The following PARP4 variants were observed in gnomAD, a reference collection of about 807,000 sequenced individuals.
PARP4 encodes poly(ADP-ribose) polymerase family member 4.
A neutral mutation model predicts 187.7 loss-of-function variants in PARP4; 120 were observed. The observed-to-expected ratio is 0.64, with a 90% confidence interval of 0.55 to 0.74. The LOEUF (loss-of-function observed/expected upper bound fraction) is 0.74, where lower values mean the gene tolerates loss of function less well. Ranked by LOEUF, PARP4 falls within the 30% of genes least tolerant of loss-of-function variation. The pLI is 0.00. For missense variants in PARP4, 1,836 were observed against 2,070.5 expected (o/e 0.89, Z 2.20); for synonymous variants, 654 against 740.9 (o/e 0.88, Z 1.90).
At chr13:24,465,553 A>C (rs1204201691) in intron 17 of PARP4, among the ~76,000 whole-genome samples, 1 of 152,174 alleles carries the variant, frequency 6.6e-6, no homozygotes, top group Non-Finnish European at 1.5e-5. Context: ...TCTTACTTAC[A>C]CGTGGGAGCT....
intron 30 of PARP4, among the ~76,000 whole-genome samples, chr13:24,438,605 G>C (rs1476357538): frequency 1.3e-5 from 2 of 152,194 alleles, no homozygotes; most frequent in South Asian, 4.1e-4. Flanking sequence ...TTTCATGAGC[G>C]GGAGGGAACG....
At chr13:24,505,276 G>T (rs1279054102) in intron 1 of PARP4, among the ~76,000 whole-genome samples, 3 of 152,138 alleles carry the variant, frequency 2.0e-5, no homozygotes, top group Non-Finnish European at 4.4e-5. Context: ...ACAGCCCACT[G>T]CTAAGTCTTA....
intron 1 of PARP4, among the ~76,000 whole-genome samples, chr13:24,507,803 TAAAGGAGGAAG>T (rs1869792488): frequency 6.6e-6 from 1 of 152,242 alleles, no homozygotes; most frequent in African/African-American, 2.4e-5. Context: ...TGGCTTTTTC[TAAAGGAGGAAG>T]AAACCCACAG....
At position 24,434,891 on chromosome 13, in the gene PARP4, G is replaced by A. The variant is rs556513583; in HGVS notation, c.4250C>T (p.Pro1417Leu). The change falls in exon 31 of 34, where the codon CCT becomes CTT. Residue 1417 changes from proline (P) to leucine (L), a missense_variant. Physicochemically the swap from Pro to Leu is moderately conservative, Grantham distance 98. Coordinates refer to ENST00000381989, the MANE Select transcript of PARP4 (RefSeq NM_006437.4). ...AGAAGGCCTGGTAGTAAAGCCTCCA[G>A]GATGTTGCAGTGGAGCAGACTGTGC... Reference protein sequence around the residue: ...SSAQSAPLQHPGGFTTRPSAG... With the variant: ...SSAQSAPLQHLGGFTTRPSAG... The A allele has an allele frequency of 1.9e-6, 3 of 1,614,144 alleles. No individual in the cohort carries two copies. The highest frequency in any genetic ancestry group is 1.3e-5 in the African/African-American group (1 of 75,058).
chr13:24,428,980 C>T (rs1489467305), intron 32 of PARP4, among the ~76,000 whole-genome samples: 1 of 151,872 alleles, frequency 6.6e-6, no homozygotes, highest in African/African-American at 2.4e-5. Context: ...TATCATTCCA[C>T]AGTCTTGGCT....
At chr13:24,425,595 ATATCTATATC>A (rs1476294532) in intron 33 of PARP4, among the ~76,000 whole-genome samples, 20 of 96,102 alleles carry the variant, frequency 2.1e-4, no homozygotes, top group South Asian at 5.5e-4. Context: ...ATCTATATCT[ATATCTATATC>A]TATATATCTC....
rs201703508 is a variant in PARP4 at position 24,493,590 on chromosome 13, A to G, written c.879+6T>C. ...CACATTCTGTTTCAGCGACACACCA[A>G]CTTACATCGTTGAGGCTAATCCTGT... On this transcript the variant is annotated splice_donor_region_variant and intron_variant, in intron 8 of 33. Transcript: ENST00000381989. 6.3e-6 allele frequency: 10 copies of G among 1,598,120 alleles called. No homozygotes were observed. The East Asian group carries it at 2.0e-4, about 32-fold the overall frequency.
intron 10 of PARP4, among the ~76,000 whole-genome samples, chr13:24,488,933 G>A (rs7329368): frequency 0.11 from 16,296 of 152,054 alleles, 747 homozygotes; most frequent in African/African-American, 0.12. Flanking sequence ...TTCACTCAGC[G>A]TAATATTTTT....
At chr13:24,470,897 G>T (rs563519512) in intron 15 of PARP4, among the ~76,000 whole-genome samples, 57 of 152,252 alleles carry the variant, frequency 3.7e-4, no homozygotes, top group African/African-American at 1.3e-3. Flanking sequence ...CCCCAAATCA[G>T]CAGGTCAGCA....
In PARP4 at chr13:24,455,614, CTTTTTTTT is replaced by C. The variant is rs1233823030; in HGVS notation, c.2563-410_2563-403del. Among the ~76,000 whole-genome samples, 15 of 116,288 alleles carry C rather than the reference CTTTTTTTT, an allele frequency of 1.3e-4. 1 individual carries two copies. The East Asian group carries it at 3.1e-3, about 24-fold the overall frequency. 76.3% of individuals were successfully genotyped at this position (116,288 alleles called of 152,430 possible). On this transcript the variant is annotated intron_variant, in intron 21 of 33. Coordinates refer to ENST00000381989, the MANE Select transcript of PARP4 (RefSeq NM_006437.4). ...ATTTAACTACTATCATGTAAGTTTC[CTTTTTTTT>C]TTTTTTTTTTTTTGAGACAGGGTCT...
chr13:24,470,078 G>A, intron 15 of PARP4, 53 bp from the exon 16 acceptor site: 1 of 1,516,024 alleles, frequency 6.6e-7, no homozygotes, highest in Non-Finnish European at 9.0e-7. Context: ...GACTACATTT[G>A]CAGGAACAAG....
chr13:24,455,104 T>G lies in PARP4; in HGVS notation c.2671A>C (p.Thr891Pro), dbSNP rs377056896. The stretch of plus-strand genomic sequence containing the variant: ...GCGATTTGCTTGGCTTGCAAGAATG[T>G]CACACCCTCCATGGAACTGGAGCAG... ...LDCSSSMEGV[T>P]FLQAKQIALH... The change falls in exon 22 of 34, where the codon ACA (threonine) becomes CCA (proline). Residue 891 changes from threonine to proline, a missense_variant. Thr to Pro is a conservative substitution (Grantham distance 38). This residue lies in a region of PARP4 where 1,147 missense variants were observed against 1,214.2 expected (regional missense o/e 0.94). Transcript: ENST00000381989. 1 of 1,613,518 alleles carries G rather than the reference T, an allele frequency of 6.2e-7. No homozygotes were observed. Among genetic ancestry groups the G allele is most frequent in the South Asian group, 1.1e-5 (1 of 91,042 alleles).
chr13:24,472,536 T>C (rs1165214462), intron 15 of PARP4, among the ~76,000 whole-genome samples: 1 of 152,196 alleles, frequency 6.6e-6, no homozygotes, highest in Non-Finnish European at 1.5e-5. Context: ...CTTAATCTCC[T>C]CAAAGGCCTT....
rs529905572 is a variant in PARP4 at position 24,438,276 on chromosome 13, A to C, written c.3667-2802T>G. 5.9e-5 allele frequency among the ~76,000 whole-genome samples: 9 copies of C among 152,284 alleles called. No homozygotes were observed. In the South Asian group the frequency reaches 1.9e-3, roughly 32 times the overall value. On this transcript the variant is annotated intron_variant, in intron 30 of 33. Transcript: ENST00000381989. ...GGGATGAAAGTATTCCACATGTTCC[A>C]TATGCACAGTTCACAACAGGTTCGG...
chr13:24,499,681 C>T (rs1869167891), intron 4 of PARP4, among the ~76,000 whole-genome samples: 1 of 152,180 alleles, frequency 6.6e-6, no homozygotes, highest in Non-Finnish European at 1.5e-5. Flanking sequence ...GCCGCACACT[C>T]TGGGGATGGG....
At chr13:24,501,253 G>C (rs1160567463) in intron 3 of PARP4, among the ~76,000 whole-genome samples, 1 of 152,120 alleles carries the variant, frequency 6.6e-6, no homozygotes, top group Non-Finnish European at 1.5e-5. Flanking sequence ...GTTTCTTTTG[G>C]GGAGACAATC....
At chr13:24,430,088 T>C (rs1870257174) in intron 32 of PARP4, among the ~76,000 whole-genome samples, 1 of 152,242 alleles carries the variant, frequency 6.6e-6, no homozygotes, top group Non-Finnish European at 1.5e-5. Flanking sequence ...TTAAATATTT[T>C]ATTCAAAGTT....
Position 24,470,034 on chromosome 13 carries a change from G to T in PARP4, c.1915-9C>A, listed in dbSNP as rs1338608508. ...GTCTGAAAAACAATGACCTGAAGAA[G>T]AAAAAAAATCCATACAATTGATGAG... On this transcript the variant is annotated splice_polypyrimidine_tract_variant and intron_variant, in intron 15 of 33. Coordinates refer to ENST00000381989, the MANE Select transcript of PARP4 (RefSeq NM_006437.4). 1.2e-6 allele frequency: 2 copies of T among 1,600,238 alleles called. No homozygotes were observed. Among genetic ancestry groups the T allele is most frequent in the Non-Finnish European group, 1.7e-6 (2 of 1,174,158 alleles).
At chr13:24,451,181 G>A (rs1871497768) in intron 24 of PARP4, among the ~76,000 whole-genome samples, 1 of 152,216 alleles carries the variant, frequency 6.6e-6, no homozygotes, top group African/African-American at 2.4e-5. Flanking sequence ...GCCCTGTGGT[G>A]TCTGAGCCCT....
Sources: allele counts gnomAD v4.1 joint callset (sites outside exome capture counted in the v4.1 genomes callset), GRCh38; gene constraint gnomAD v4.1.1; regional missense constraint gnomAD v4.1.1; transcripts MANE v1.5; gene names NCBI Gene and HGNC (gene_info 2026-07-23, HGNC 2026-07-21).